Variants in DAB1 observed in about 807,000 individuals in gnomAD.
The protein encoded by DAB1 is DAB adaptor protein 1.
DAB1 carries 15 observed loss-of-function variants against 64.6 expected under a neutral mutation model. The ratio of observed to expected loss-of-function variants is 0.23; its 90% CI spans 0.16 to 0.36. The LOEUF (loss-of-function observed/expected upper bound fraction) is 0.36, where lower values mean the gene tolerates loss of function less well. Among genes scored for constraint, DAB1 ranks in the 10% least tolerant of loss-of-function variants. The probability of loss-of-function intolerance (pLI) is 1.00; values close to 1 mark genes in which losing one functional copy is unlikely to be tolerated. For missense variants in DAB1, 596 were observed against 706.7 expected (o/e 0.84, Z 1.78); for synonymous variants, 235 against 251.9 (o/e 0.93, Z 0.64).
chr1:57,365,637 T>C (rs926011074), intron 1 of DAB1, among the ~76,000 whole-genome samples: 2 of 151,944 alleles, frequency 1.3e-5, no homozygotes, highest in Non-Finnish European at 1.5e-5. Context: ...TTCAGTGAAG[T>C]GGAGAGGCCA....
At chr1:58,239,675 A>G (rs1490217269) in intron 4 of DAB1, among the ~76,000 whole-genome samples, 3 of 152,116 alleles carry the variant, frequency 2.0e-5, no homozygotes, top group Admixed American at 6.5e-5. Context: ...CGCTTATATT[A>G]TTTGCAGGGG....
chr1:57,258,930 T>C (rs1238534146), intron 2 of DAB1, among the ~76,000 whole-genome samples: 1 of 152,084 alleles, frequency 6.6e-6, no homozygotes, highest in Non-Finnish European at 1.5e-5. Flanking sequence ...CCTCTGAATG[T>C]GCAGGTTCAG....
chr1:58,223,487 T>C (rs1322412984), intron 4 of DAB1, among the ~76,000 whole-genome samples: 1 of 152,220 alleles, frequency 6.6e-6, no homozygotes, highest in Non-Finnish European at 1.5e-5. Flanking sequence ...GACGTTCCAA[T>C]TACAAATTTC....
chr1:58,184,961 T>C (rs913999799), intron 4 of DAB1, among the ~76,000 whole-genome samples: 3 of 152,178 alleles, frequency 2.0e-5, no homozygotes, highest in Admixed American at 6.5e-5. Flanking sequence ...CAGCCATGTC[T>C]AGCATGAGGA....
intron 6 of DAB1, among the ~76,000 whole-genome samples, chr1:57,781,343 A>G (rs1650089662): frequency 6.6e-6 from 1 of 151,668 alleles, no homozygotes; most frequent in East Asian, 1.9e-4. Context: ...AGAATCTGGT[A>G]TTATGGTTGA....
chr1:58,265,004 A>G lies in DAB1; in HGVS notation n.309+78348T>C, dbSNP rs146807926. ...AGTATATTACCATGTGGCATAACTC[A>G]TAACAATTTCAAATGAATATCACAA... On this transcript the variant is annotated intron_variant and non_coding_transcript_variant, in intron 4 of 20. Coordinates refer to the DAB1 transcript ENST00000485760. Among the ~76,000 whole-genome samples, 338 of 152,364 alleles carry G rather than the reference A, an allele frequency of 2.2e-3. 1 individual carries two copies. The highest frequency in any genetic ancestry group is 4.1e-3 in the Non-Finnish European group (278 of 68,040).
At chr1:57,696,064 T>C (rs1250678197) in intron 6 of DAB1, among the ~76,000 whole-genome samples, 1 of 152,226 alleles carries the variant, frequency 6.6e-6, no homozygotes, top group East Asian at 1.9e-4. Flanking sequence ...GACTGTGTAC[T>C]CAGAAGTCTT....
At chr1:58,414,277 C>T (rs762378586) in intron 3 of DAB1, among the ~76,000 whole-genome samples, 4 of 152,158 alleles carry the variant, frequency 2.6e-5, no homozygotes, top group Non-Finnish European at 4.4e-5. Flanking sequence ...CACATCCTCA[C>T]CTAACTCATC....
chr1:57,226,672 A>AAAAAAAATATATATATATATATATATAT (rs747021990), intron 2 of DAB1, among the ~76,000 whole-genome samples: 1 of 136,016 alleles, frequency 7.4e-6, no homozygotes, highest in African/African-American at 3.1e-5. Flanking sequence ...TTAAAAAAAA[A>AAAAAAAATATATATATATATATATATAT]ATATATATAT....
At chr1:58,534,119 A>T (rs1646479566) in intron 1 of DAB1, 3 of 867,902 alleles carry the variant, frequency 3.5e-6, no homozygotes, top group Non-Finnish European at 6.0e-6. Context: ...AAGGACAATA[A>T]ATTTAACAAT....
chr1:57,246,271 C>G (rs1036818656), intron 2 of DAB1, among the ~76,000 whole-genome samples: 58 of 151,818 alleles, frequency 3.8e-4, no homozygotes, highest in Admixed American at 3.7e-3. Flanking sequence ...CCGCTGCCCC[C>G]TGCTCTGTGC....
At chr1:57,907,912 A>AAT (rs1166257369) in intron 5 of DAB1, among the ~76,000 whole-genome samples, 30 of 133,946 alleles carry the variant, frequency 2.2e-4, no homozygotes, top group East Asian at 1.4e-3. Flanking sequence ...ATATATATAT[A>AAT]ATATATATAT....
intron 4 of DAB1, among the ~76,000 whole-genome samples, chr1:58,225,192 C>T (rs1223959745): frequency 6.6e-6 from 1 of 151,818 alleles, no homozygotes; most frequent in Non-Finnish European, 1.5e-5. Context: ...ATTTATGCAG[C>T]CAAAAGACAC....
intron 1 of DAB1, among the ~76,000 whole-genome samples, chr1:57,385,405 T>C (rs1681727842): frequency 6.6e-6 from 1 of 152,228 alleles, no homozygotes. Context: ...TAGCTCCATG[T>C]AGTCTTTCTG....
intron 2 of DAB1, among the ~76,000 whole-genome samples, chr1:57,235,182 A>C (rs1249974922): frequency 6.6e-6 from 1 of 152,166 alleles, no homozygotes; most frequent in Admixed American, 6.5e-5. Context: ...GAGTCTCTGA[A>C]TTTCGGTTGG....
chr1:57,354,081 C>T (rs912946573), intron 1 of DAB1, among the ~76,000 whole-genome samples: 4 of 152,112 alleles, frequency 2.6e-5, no homozygotes, highest in African/African-American at 9.7e-5. Context: ...CCAAGTACTG[C>T]ATTTTATTTA....
chr1:57,861,459 A>G (rs1353368743), intron 1 of DAB1, among the ~76,000 whole-genome samples: 1 of 152,082 alleles, frequency 6.6e-6, no homozygotes. Context: ...TCATGACCTA[A>G]TTACCTGGCA....
intron 5 of DAB1, among the ~76,000 whole-genome samples, chr1:57,975,285 G>A (rs958422323): frequency 2.0e-5 from 3 of 152,184 alleles, no homozygotes; most frequent in African/African-American, 7.2e-5. Context: ...TCACCCATCT[G>A]TGATAATATA....
intron 1 of DAB1, among the ~76,000 whole-genome samples, chr1:57,839,521 C>T (rs899682978): frequency 4.6e-5 from 7 of 152,184 alleles, no homozygotes; most frequent in Non-Finnish European, 1.0e-4. Context: ...TTATTATTTG[C>T]AATATATTAT....
Sources: allele counts gnomAD v4.1 joint callset (sites outside exome capture counted in the v4.1 genomes callset), GRCh38; gene constraint gnomAD v4.1.1; transcripts MANE v1.5; gene names NCBI Gene and HGNC (gene_info 2026-07-23, HGNC 2026-07-21).